SNTG1: variants seen among roughly 807,000 people sequenced by gnomAD.
The protein encoded by SNTG1 is gamma-1-syntrophin.
In SNTG1, 39 loss-of-function variants were observed where a neutral mutation model predicts 74.7. The ratio of observed to expected loss-of-function variants is 0.52; its 90% CI spans 0.40 to 0.68. The LOEUF is 0.68. Among genes scored for constraint, SNTG1 ranks in the 30% least tolerant of loss-of-function variants. The pLI, the probability that SNTG1 is intolerant of heterozygous loss-of-function variation, is 0.00. For missense variants in SNTG1, 685 were observed against 609.5 expected, an observed-to-expected ratio of 1.12 and a Z score of -1.30; for synonymous variants, 254 against 217.1, an observed-to-expected ratio of 1.17 and a Z score of -1.49.
Position 50,795,074 on chromosome 8 carries a change from A to G in SNTG1, c.*2245A>G, listed in dbSNP as rs916326182. On this transcript the variant is annotated 3_prime_UTR_variant, in exon 19 of 19. Coordinates refer to ENST00000642720, the MANE Select transcript of SNTG1 (RefSeq NM_018967.5). Reference sequence around the variant, plus strand: ...TATGCATACATGGGTGTATATATATATAAATATAATGAAATGCTGACCATT... The same window carrying G: ...TATGCATACATGGGTGTATATATATGTAAATATAATGAAATGCTGACCATT... 1.3e-5 allele frequency: 2 copies of G among 151,930 alleles called. No homozygotes were observed. Among genetic ancestry groups the G allele is most frequent in the African/African-American group, 2.4e-5 (1 of 41,404 alleles). 9.4% of individuals were successfully genotyped at this position (151,930 alleles called of 1,614,324 possible).
intron 14 of SNTG1, among the ~76,000 whole-genome samples, chr8:50,657,482 C>G (rs999974605): frequency 9.9e-5 from 15 of 152,040 alleles, no homozygotes; most frequent in Admixed American, 2.0e-4. Context: ...TTTGAAAGTT[C>G]TTTTAAATTT....
chr8:50,492,865 T>C (rs2093870460), intron 8 of SNTG1, among the ~76,000 whole-genome samples: 2 of 152,156 alleles, frequency 1.3e-5, no homozygotes, highest in African/African-American at 2.4e-5. Flanking sequence ...TATGGTTTTA[T>C]GTATTACGTT....
intron 1 of SNTG1, among the ~76,000 whole-genome samples, chr8:49,972,097 G>A (rs1008025684): frequency 2.8e-4 from 42 of 152,240 alleles, no homozygotes; most frequent in African/African-American, 7.7e-4. Flanking sequence ...GAGGCATCAT[G>A]CTACCTGACT....
intron 9 of SNTG1, among the ~76,000 whole-genome samples, chr8:50,520,833 A>G (rs2094173507): frequency 6.6e-6 from 1 of 152,204 alleles, no homozygotes; most frequent in African/African-American, 2.4e-5. Context: ...GGGAGTGTAA[A>G]TTAGTTCAAC....
intron 1 of SNTG1, among the ~76,000 whole-genome samples, chr8:50,032,600 A>G (rs1817826591): frequency 1.3e-5 from 2 of 151,990 alleles, no homozygotes; most frequent in South Asian, 2.1e-4. Flanking sequence ...CCAGTAACCA[A>G]TGTTCCAGTC....
At chr8:50,254,462 TG>T (rs1314391609) in intron 2 of SNTG1, among the ~76,000 whole-genome samples, 2 of 152,334 alleles carry the variant, frequency 1.3e-5, no homozygotes, top group African/African-American at 2.4e-5. Flanking sequence ...TTAAACTCCT[TG>T]GTAATTTTTT....
rs537409992 is a variant in SNTG1, at chr8:50,002,869, A to C, written c.-103+90638A>C. Among the ~76,000 whole-genome samples the C allele has an allele frequency of 2.0e-5, 3 of 152,342 alleles. No individual in the cohort carries two copies. In the East Asian group the frequency reaches 5.8e-4, roughly 29 times the overall value. ...CAAATGTCCATCCACAGATACAGGG[A>C]TAAACAAACAGTGGTATTTCCATAC... is the stretch of plus-strand genomic sequence containing the variant. On this transcript the variant is annotated intron_variant, in intron 1 of 18. Transcript: ENST00000642720.
At position 50,795,768 on chromosome 8, in the gene SNTG1, C is replaced by G. The variant is rs1219733763; in HGVS notation, c.*2939C>G. 6.6e-6 allele frequency: 1 copy of G among 151,990 alleles called. No homozygotes were observed. 9.4% of individuals were successfully genotyped at this position (151,990 alleles called of 1,614,324 possible). A position where few individuals can be genotyped will look rare whatever the true frequency, so the allele number is the denominator to read the frequency against. On this transcript the variant is annotated 3_prime_UTR_variant, in exon 19 of 19. Transcript: ENST00000642720. ...AATTCATCTAAGTCGAAGTATATTA[C>G]AGAAAGGGCATTTATAATTTGTTAA... is the stretch of plus-strand genomic sequence containing the variant.
chr8:49,964,149 T>C (rs1003995406), intron 1 of SNTG1, among the ~76,000 whole-genome samples: 2 of 152,232 alleles, frequency 1.3e-5, no homozygotes, highest in African/African-American at 2.4e-5. Flanking sequence ...TAAAGGTATT[T>C]TTTAGATGAG....
chr8:50,312,180 T>C (rs1025014132), intron 2 of SNTG1, among the ~76,000 whole-genome samples: 2 of 152,182 alleles, frequency 1.3e-5, no homozygotes, highest in Admixed American at 6.5e-5. Context: ...AATTTAATAG[T>C]AAATCCAAAG....
At chr8:50,154,909 T>C (rs568019161) in intron 1 of SNTG1, among the ~76,000 whole-genome samples, 3 of 152,360 alleles carry the variant, frequency 2.0e-5, no homozygotes, top group African/African-American at 7.2e-5. Flanking sequence ...GTTCAGTTCA[T>C]GGCAATGTGG....
chr8:50,256,214 C>T (rs1156852864), intron 2 of SNTG1, among the ~76,000 whole-genome samples: 2 of 151,802 alleles, frequency 1.3e-5, no homozygotes, highest in Non-Finnish European at 1.5e-5. Flanking sequence ...AAAACAGCAG[C>T]CAAGCCTTTC....
intron 2 of SNTG1, among the ~76,000 whole-genome samples, chr8:50,325,342 C>T (rs1395596707): frequency 6.6e-6 from 1 of 151,746 alleles, no homozygotes; most frequent in African/African-American, 2.4e-5. Flanking sequence ...TGAGTCTATC[C>T]ATAAATAGAA....
rs182211196 is a variant in SNTG1 at position 50,086,280 on chromosome 8, T to A, written c.-102-86281T>A. 1.4e-3 allele frequency among the ~76,000 whole-genome samples: 219 copies of A among 152,248 alleles called. No individual in the cohort carries two copies. In the Middle Eastern group the frequency reaches 0.02, roughly 14 times the overall value. On this transcript the variant is annotated intron_variant, in intron 1 of 18. Transcript: ENST00000642720. Reference sequence around the variant, plus strand: ...CACAATTTTAGTGTTGTTTTTTCTCTCTGATGGAAGTGTGGAGACAACCAT... The same window carrying A: ...CACAATTTTAGTGTTGTTTTTTCTCACTGATGGAAGTGTGGAGACAACCAT...
At chr8:50,654,560 G>C (rs566096217) in intron 13 of SNTG1, among the ~76,000 whole-genome samples, 46 of 152,180 alleles carry the variant, frequency 3.0e-4, no homozygotes, top group African/African-American at 1.0e-3. Flanking sequence ...CAGTTCTGCT[G>C]TCTATTGTTT....
At chr8:50,399,359 C>T (rs1457807030) in intron 3 of SNTG1, among the ~76,000 whole-genome samples, 2 of 152,116 alleles carry the variant, frequency 1.3e-5, no homozygotes, top group African/African-American at 4.8e-5. Flanking sequence ...AATTTGTGAA[C>T]ATTTTACATA....
intron 2 of SNTG1, among the ~76,000 whole-genome samples, chr8:50,203,896 T>G (rs773749530): frequency 1.3e-5 from 2 of 152,124 alleles, no homozygotes; most frequent in Non-Finnish European, 2.9e-5. Flanking sequence ...GCAACGTCAA[T>G]GCATTTTTTG....
intron 4 of SNTG1, among the ~76,000 whole-genome samples, chr8:50,407,028 G>A (rs572640377): frequency 7.9e-5 from 12 of 152,176 alleles, no homozygotes; most frequent in Admixed American, 2.0e-4. Context: ...GTAAAGGCCC[G>A]CAGACGCCTC....
intron 11 of SNTG1, among the ~76,000 whole-genome samples, chr8:50,538,503 C>A (rs7842209): frequency 0.03 from 4,641 of 152,176 alleles, 245 homozygotes; most frequent in African/African-American, 0.1. Flanking sequence ...TCTTTTCTTT[C>A]AGTACCTAAA....
Sources: allele counts gnomAD v4.1 joint callset (sites outside exome capture counted in the v4.1 genomes callset), GRCh38; gene constraint gnomAD v4.1.1; transcripts MANE v1.5; gene names NCBI Gene and HGNC (gene_info 2026-07-23, HGNC 2026-07-21).